The following GRIK1 variants were observed in gnomAD, a reference collection of about 807,000 sequenced individuals.
The protein encoded by GRIK1 is glutamate ionotropic receptor kainate type subunit 1.
GRIK1 carries 69 observed loss-of-function variants against 105.7 expected under a neutral mutation model. That is an observed-to-expected ratio of 0.65 (90% CI 0.54 to 0.80). The LOEUF (loss-of-function observed/expected upper bound fraction) is 0.80, where lower values mean the gene tolerates loss of function less well. GRIK1 is among the 30% of genes least tolerant of loss of function. The probability of loss-of-function intolerance (pLI) is 0.00; values close to 1 mark genes in which losing one functional copy is unlikely to be tolerated. For synonymous variants in GRIK1, 438 were observed against 431.3 expected (o/e 1.02, Z -0.19); for missense variants, 1,109 against 1,167.3 (o/e 0.95, Z 0.73).
chr21:29,554,258 A>G (rs1485648714), intron 16 of GRIK1, among the ~76,000 whole-genome samples: 3 of 152,238 alleles, frequency 2.0e-5, no homozygotes, highest in Admixed American at 6.5e-5. Context: ...ACAATATTTA[A>G]AAATTCAAAG....
intron 3 of GRIK1, among the ~76,000 whole-genome samples, chr21:29,687,251 A>G (rs922575067): frequency 3.3e-5 from 5 of 152,160 alleles, no homozygotes; most frequent in African/African-American, 4.8e-5. Context: ...ACAAATCCCA[A>G]TAAAGTGCTC....
At chr21:29,824,001 T>C (rs2145934484) in intron 1 of GRIK1, among the ~76,000 whole-genome samples, 1 of 152,076 alleles carries the variant, frequency 6.6e-6, no homozygotes, top group Non-Finnish European at 1.5e-5. Context: ...CTAACTTCTC[T>C]GTGGAGAACA....
intron 1 of GRIK1, among the ~76,000 whole-genome samples, chr21:29,917,085 G>A (rs73898544): frequency 0.01 from 1,572 of 152,030 alleles, 26 homozygotes; most frequent in African/African-American, 0.036. Flanking sequence ...CAAGACTTAA[G>A]ACATTTCGTT....
chr21:29,679,653 A>T (rs1189142314), intron 3 of GRIK1, among the ~76,000 whole-genome samples: 2 of 152,202 alleles, frequency 1.3e-5, no homozygotes, highest in African/African-American at 4.8e-5. Context: ...GTTTCAGGTA[A>T]TGACAACTCC....
intron 3 of GRIK1, among the ~76,000 whole-genome samples, chr21:29,676,897 T>C (rs2063278613): frequency 1.3e-5 from 2 of 152,166 alleles, no homozygotes; most frequent in South Asian, 4.1e-4. Context: ...CTAGCAAACA[T>C]ATATTATTAT....
intron 1 of GRIK1, among the ~76,000 whole-genome samples, chr21:29,861,413 C>A (rs1031528053): frequency 6.6e-6 from 1 of 152,066 alleles, no homozygotes; most frequent in African/African-American, 2.4e-5. Context: ...TCAAGTGATT[C>A]TCCTATCTCA....
At chr21:29,651,627 G>T (rs1481937614) in intron 5 of GRIK1, among the ~76,000 whole-genome samples, 1 of 152,070 alleles carries the variant, frequency 6.6e-6, no homozygotes, top group Admixed American at 6.6e-5. Context: ...GTTAATAGCT[G>T]TCTCAGTTAT....
intron 4 of GRIK1, among the ~76,000 whole-genome samples, chr21:29,666,667 T>C (rs1384942462): frequency 1.3e-5 from 2 of 152,212 alleles, no homozygotes; most frequent in East Asian, 3.8e-4. Context: ...CCACATTCTC[T>C]ACTGGGCCAT....
chr21:29,685,220 C>G (rs964193647), intron 3 of GRIK1, among the ~76,000 whole-genome samples: 1 of 152,106 alleles, frequency 6.6e-6, no homozygotes, highest in African/African-American at 2.4e-5. Flanking sequence ...ATTGCAGAAG[C>G]CATTTAGATC....
chr21:29,711,180 C>G (rs1250690433), intron 1 of GRIK1, among the ~76,000 whole-genome samples: 1 of 152,024 alleles, frequency 6.6e-6, no homozygotes, highest in Non-Finnish European at 1.5e-5. Context: ...AGTCACACAT[C>G]ATATAACGAT....
At chr21:29,639,273 T>C (rs1487623166) in intron 7 of GRIK1, among the ~76,000 whole-genome samples, 1 of 152,238 alleles carries the variant, frequency 6.6e-6, no homozygotes, top group African/African-American at 2.4e-5. Context: ...ATGTATTTAT[T>C]GGGTGCTTAT....
intron 1 of GRIK1, among the ~76,000 whole-genome samples, chr21:29,821,169 A>G (rs2067296087): frequency 6.6e-6 from 1 of 152,006 alleles, no homozygotes; most frequent in Non-Finnish European, 1.5e-5. Context: ...ATTAACACAG[A>G]TTTTGTATAT....
chr21:29,660,326 G>A (rs1390221946), intron 4 of GRIK1, among the ~76,000 whole-genome samples: 1 of 152,166 alleles, frequency 6.6e-6, no homozygotes, highest in African/African-American at 2.4e-5. Context: ...AGGTAAAGAT[G>A]ACCAGGACGT....
intron 1 of GRIK1, among the ~76,000 whole-genome samples, chr21:29,911,820 T>A (rs1373077052): frequency 6.6e-6 from 1 of 152,110 alleles, no homozygotes. Flanking sequence ...TGAGCCTTGA[T>A]CTTGGACTTC....
intron 7 of GRIK1, among the ~76,000 whole-genome samples, chr21:29,603,848 C>T (rs575691680): frequency 8.5e-5 from 13 of 152,176 alleles, no homozygotes; most frequent in South Asian, 2.1e-4. Flanking sequence ...TGCCTCTAAA[C>T]AAGGTACTGT....
At chr21:29,875,972 A>C in intron 1 of GRIK1, among the ~76,000 whole-genome samples, 1 of 152,178 alleles carries the variant, frequency 6.6e-6, no homozygotes, top group East Asian at 1.9e-4. Flanking sequence ...CACTCTACTT[A>C]ATGCAAGCAC....
At chr21:29,868,155 A>T (rs1196238383) in intron 1 of GRIK1, among the ~76,000 whole-genome samples, 1 of 152,186 alleles carries the variant, frequency 6.6e-6, no homozygotes, top group African/African-American at 2.4e-5. Flanking sequence ...GAAAACAACA[A>T]AACTGGAAGA....
chr21:29,720,204 C>T (rs2064285398), intron 1 of GRIK1, among the ~76,000 whole-genome samples: 1 of 152,160 alleles, frequency 6.6e-6, no homozygotes, highest in Admixed American at 6.5e-5. Flanking sequence ...TTTTTTAAAA[C>T]TGTGTGCACA....
At chr21:29,936,636 G>T (rs538362736) in intron 1 of GRIK1, among the ~76,000 whole-genome samples, 1 of 152,286 alleles carries the variant, frequency 6.6e-6, no homozygotes, top group African/African-American at 2.4e-5. Flanking sequence ...CTATCCTACC[G>T]ACCTTCTCTG....
Sources: allele counts gnomAD v4.1 joint callset (sites outside exome capture counted in the v4.1 genomes callset), GRCh38; gene constraint gnomAD v4.1.1; transcripts MANE v1.5; gene names NCBI Gene and HGNC (gene_info 2026-07-23, HGNC 2026-07-21).